The following PDE11A variants were observed in gnomAD, a reference collection of about 807,000 sequenced individuals.
The protein encoded by PDE11A is phosphodiesterase 11A.
A neutral mutation model predicts 100.5 loss-of-function variants in PDE11A; 100 were observed. The ratio of observed to expected loss-of-function variants is 1.00; its 90% CI spans 0.85 to 1.18. The LOEUF is 1.18. PDE11A is among the 50% of genes most tolerant of loss of function. The probability of loss-of-function intolerance (pLI) is 0.00; values close to 1 mark genes in which losing one functional copy is unlikely to be tolerated. For synonymous variants in PDE11A, 381 were observed against 420.8 expected (o/e 0.91, Z 1.16); for missense variants, 1,141 against 1,152.6 (o/e 0.99, Z 0.15).
intron 18 of PDE11A, among the ~76,000 whole-genome samples, chr2:177,666,904 A>AATTTATTTATTTATTTATTT (rs3056898): frequency 0.11 from 14,948 of 141,242 alleles, 1,126 homozygotes; most frequent in Admixed American, 0.2. Flanking sequence ...GATAAAGTTC[A>AATTTATTTATTTATTTATTT]ATTTATTTAT....
At chr2:177,947,367 C>A (rs569270927) in intron 2 of PDE11A, among the ~76,000 whole-genome samples, 1 of 151,580 alleles carries the variant, frequency 6.6e-6, no homozygotes, top group African/African-American at 2.4e-5. Context: ...GGATGGTTGC[C>A]GTGTCTGTGT....
chr2:177,658,783 A>G (rs2080430242), intron 19 of PDE11A, among the ~76,000 whole-genome samples: 1 of 149,954 alleles, frequency 6.7e-6, no homozygotes, highest in South Asian at 2.1e-4. Context: ...CTTTTAAAGT[A>G]CTTTCATCAG....
chr2:177,985,222 T>A (rs2085926947), intron 2 of PDE11A, among the ~76,000 whole-genome samples: 1 of 152,242 alleles, frequency 6.6e-6, no homozygotes, highest in Admixed American at 6.5e-5. Context: ...GTTAATATAG[T>A]GCTTTTTTTT....
intron 13 of PDE11A, among the ~76,000 whole-genome samples, chr2:177,708,167 A>G (rs75501916): frequency 0.017 from 2,516 of 152,318 alleles, 64 homozygotes; most frequent in African/African-American, 0.057. Context: ...GACAATGTAT[A>G]AAACAATGTT....
chr2:177,847,552 G>A (rs139241611), intron 5 of PDE11A, among the ~76,000 whole-genome samples: 1 of 152,256 alleles, frequency 6.6e-6, no homozygotes, highest in East Asian at 1.9e-4. Flanking sequence ...GTTCTTAGCT[G>A]CCATGTATAT....
intron 1 of PDE11A, among the ~76,000 whole-genome samples, chr2:178,059,227 G>A (rs1559057826): frequency 6.6e-6 from 1 of 152,164 alleles, no homozygotes; most frequent in Non-Finnish European, 1.5e-5. Context: ...AGAGATACCT[G>A]TGTTCTACTG....
chr2:178,065,770 G>T (rs2087035073), intron 1 of PDE11A, among the ~76,000 whole-genome samples: 1 of 152,146 alleles, frequency 6.6e-6, no homozygotes, highest in Non-Finnish European at 1.5e-5. Context: ...AATAACATGA[G>T]TGTAGACCAT....
chr2:177,694,772 G>C (rs1275926248), intron 15 of PDE11A, among the ~76,000 whole-genome samples: 8 of 152,016 alleles, frequency 5.3e-5, no homozygotes, highest in African/African-American at 1.9e-4. Flanking sequence ...TATTTTGCTG[G>C]CTTTTGTCCT....
chr2:177,837,874 T>G (rs1281385706), intron 6 of PDE11A, among the ~76,000 whole-genome samples: 1 of 152,208 alleles, frequency 6.6e-6, no homozygotes, highest in Admixed American at 6.5e-5. Context: ...AATACGGGAT[T>G]TAAAAGGACT....
At chr2:177,722,744 A>G (rs1246259342) in intron 12 of PDE11A, among the ~76,000 whole-genome samples, 1 of 152,164 alleles carries the variant, frequency 6.6e-6, no homozygotes, top group Non-Finnish European at 1.5e-5. Context: ...AAAATTTGCC[A>G]TCTTGTAGGT....
chr2:177,840,727 G>T (rs1379051659), intron 5 of PDE11A, among the ~76,000 whole-genome samples: 1 of 152,074 alleles, frequency 6.6e-6, no homozygotes, highest in East Asian at 1.9e-4. Flanking sequence ...TTCCCAGCTT[G>T]CCCTTTTTAA....
chr2:177,989,931 T>A (rs1306138784), intron 2 of PDE11A, among the ~76,000 whole-genome samples: 1 of 152,154 alleles, frequency 6.6e-6, no homozygotes, highest in Middle Eastern at 3.2e-3. Context: ...ATATTTTCCA[T>A]CAGATGCCTC....
At chr2:178,027,282 A>T (rs1281190615) in intron 1 of PDE11A, among the ~76,000 whole-genome samples, 3 of 152,196 alleles carry the variant, frequency 2.0e-5, no homozygotes, top group African/African-American at 7.2e-5. Flanking sequence ...TAAAAAAAGC[A>T]TTAGAATTTA....
chr2:178,068,589 T>A (rs1301468717), intron 1 of PDE11A, among the ~76,000 whole-genome samples: 1 of 151,890 alleles, frequency 6.6e-6, no homozygotes, highest in East Asian at 1.9e-4. Flanking sequence ...ACCTTAAAAA[T>A]ATAGTAGTTA....
In PDE11A at chr2:177,636,694, A is replaced by T. The variant is rs535706721; in HGVS notation, c.2647-7132T>A. 2.0e-5 allele frequency among the ~76,000 whole-genome samples: 3 copies of T among 152,268 alleles called. No homozygotes were observed. In the East Asian group the frequency reaches 5.8e-4, roughly 29 times the overall value. ...TGCAGGGTTTCTCTACCTCAGTACT[A>T]TTGATGTTTTGGGTTAGATAATTCT... On this transcript the variant is annotated intron_variant, in intron 19 of 19. Coordinates refer to ENST00000286063, the MANE Select transcript of PDE11A (RefSeq NM_016953.4).
chr2:178,105,297 TAA>T (rs1374151893), intron 1 of PDE11A, among the ~76,000 whole-genome samples: 4 of 152,008 alleles, frequency 2.6e-5, no homozygotes, highest in African/African-American at 9.7e-5. Flanking sequence ...CCATCTCTAC[TAA>T]AAATACAAAA....
chr2:177,881,341 G>GTCTCTCTA (rs1553485622), intron 4 of PDE11A, among the ~76,000 whole-genome samples: 1 of 147,520 alleles, frequency 6.8e-6, no homozygotes, highest in Non-Finnish European at 1.5e-5. Context: ...TCATCTATCT[G>GTCTCTCTA]TCTATCTATC....
intron 5 of PDE11A, among the ~76,000 whole-genome samples, chr2:177,840,862 T>G (rs955199229): frequency 1.8e-4 from 27 of 152,370 alleles, no homozygotes; most frequent in African/African-American, 6.3e-4. Flanking sequence ...TATGGTCTTT[T>G]AATTAGTAAT....
At chr2:177,761,740 CAT>C (rs1460199236) in intron 10 of PDE11A, among the ~76,000 whole-genome samples, 1 of 152,044 alleles carries the variant, frequency 6.6e-6, no homozygotes, top group East Asian at 1.9e-4. Context: ...TGGGTGCAAA[CAT>C]ATAAAAGGAC....
Sources: gnomAD v4.1 joint callset for allele counts (sites outside exome capture counted in the v4.1 genomes callset) on GRCh38, gnomAD v4.1.1 for gene constraint, MANE v1.5 for transcripts, NCBI Gene and HGNC (gene_info 2026-07-23, HGNC 2026-07-21) for gene names.